DAP3: variants seen among roughly 807,000 people sequenced by gnomAD.
DAP3 encodes death associated protein 3, also known as small ribosomal subunit protein mS29.
In DAP3, 28 loss-of-function variants were observed where a neutral mutation model predicts 51.9. The ratio of observed to expected loss-of-function variants is 0.54; its 90% CI spans 0.40 to 0.74. The LOEUF is 0.74. Ranked by LOEUF, DAP3 falls within the 30% of genes least tolerant of loss-of-function variation. DAP3 has a pLI of 0.00. For missense variants in DAP3, 458 were observed against 483.5 expected (o/e 0.95, Z 0.49); for synonymous variants, 170 against 170.3 (o/e 1.00, Z 0.01).
In DAP3 at chr1:155,729,396, T is replaced by G. The variant is rs141810300; in HGVS notation, c.843+30T>G. The G allele has an allele frequency of 1.0e-3, 1,675 of 1,609,010 alleles. 17 individuals are homozygous for G. The African/African-American group carries it at 0.02, about 19-fold the overall frequency. ...GAAAACTGGGTGTCTCTATCTTGTT[T>G]CTCTGATTTCTGATTCCATCAGTAT... On this transcript the variant is annotated intron_variant, in intron 9 of 12. Transcript: ENST00000368336.
intron 11 of DAP3, among the ~76,000 whole-genome samples, chr1:155,734,171 C>G (rs1369097334): frequency 6.6e-6 from 1 of 152,016 alleles, no homozygotes; most frequent in Non-Finnish European, 1.5e-5. Context: ...GGAAAAAAAG[C>G]TCCTTCAAGC....
At chr1:155,688,099 AC>A (rs1652802185), upstream of DAP3, 2 of 1,607,690 alleles carry the variant, frequency 1.2e-6, no homozygotes, top group Middle Eastern at 1.7e-4. Flanking sequence ...CGATGAGAGT[AC>A]AGGGAAGTGA....
At chr1:155,688,137 T>C, upstream of DAP3, 5 of 1,612,874 alleles carry the variant, frequency 3.1e-6, no homozygotes, top group Non-Finnish European at 4.2e-6. Context: ...GCCAGGCTCC[T>C]CCGCTTCCCT....
At chr1:155,701,682 ATAAAT>A in intron 1 of DAP3, among the ~76,000 whole-genome samples, 1 of 139,846 alleles carries the variant, frequency 7.2e-6, no homozygotes, top group East Asian at 1.9e-4. Flanking sequence ...CAATAAAAAA[ATAAAT>A]TAAAAAAAAA....
intron 3 of DAP3, among the ~76,000 whole-genome samples, chr1:155,718,172 G>A (rs1342028103): frequency 6.6e-6 from 1 of 152,124 alleles, no homozygotes; most frequent in Non-Finnish European, 1.5e-5. Context: ...GATCACTTGA[G>A]GTCAGGAGTT....
chr1:155,736,100 A>G (rs1463377773), intron 11 of DAP3, among the ~76,000 whole-genome samples: 2 of 152,052 alleles, frequency 1.3e-5, no homozygotes, highest in African/African-American at 4.8e-5. Flanking sequence ...CAGCCTCCCA[A>G]AGTGCTGGGA....
At chr1:155,716,797 AT>A (rs974570033) in intron 2 of DAP3, among the ~76,000 whole-genome samples, 4 of 151,598 alleles carry the variant, frequency 2.6e-5, no homozygotes, top group Admixed American at 6.6e-5. Flanking sequence ...AATATAAAAA[AT>A]CAGCCGGGTG....
At position 155,709,761 on chromosome 1, in the gene DAP3, T is replaced by G. The variant is rs1241925703; in HGVS notation, c.-7-12T>G. ...GTGGTTTACCTTTTCACTTTTTTTT[T>G]TTTTGTAACAGTGCAAGGATGATGC... On this transcript the variant is annotated splice_polypyrimidine_tract_variant and intron_variant, in intron 1 of 12. Coordinates refer to ENST00000368336, the MANE Select transcript of DAP3 (RefSeq NM_004632.4). The G allele has an allele frequency of 1.2e-6, 2 of 1,605,524 alleles. No individual in the cohort carries two copies. Among genetic ancestry groups the G allele is most frequent in the Non-Finnish European group, 1.7e-6 (2 of 1,177,324 alleles).
chr1:155,718,305 G>C (rs182323394), intron 3 of DAP3, among the ~76,000 whole-genome samples: 1 of 152,268 alleles, frequency 6.6e-6, no homozygotes, highest in African/African-American at 2.4e-5. Flanking sequence ...AGAATTGCTT[G>C]AACCCAGGAG....
intron 3 of DAP3, among the ~76,000 whole-genome samples, chr1:155,720,900 G>C (rs1657916851): frequency 6.6e-6 from 1 of 152,074 alleles, no homozygotes; most frequent in Admixed American, 6.6e-5. Flanking sequence ...AGCTGGGCGT[G>C]GTGGCGCGTG....
chr1:155,720,382 CCTGT>C (rs1218085353), intron 3 of DAP3, among the ~76,000 whole-genome samples: 1 of 150,336 alleles, frequency 6.7e-6, no homozygotes, highest in Non-Finnish European at 1.5e-5. Context: ...GTGGCTCACG[CCTGT>C]AATCCCAGCA....
At position 155,731,954 on chromosome 1, in the gene DAP3, C is replaced by T; in HGVS notation, c.914C>T (p.Ala305Val). ...KMMKNDWHGG[A>V]IVSALSQTGS... ...TCTCTTTTCTTTCAGCATGGAGGCG[C>T]CATTGTGTCGGCTTTGAGCCAGACT... Residue 305 changes from alanine (A) to valine (V), a missense_variant, in exon 11 of 13, where the codon GCC (alanine) becomes GTC (valine). Transcript: ENST00000368336. The T allele has an allele frequency of 6.2e-7, 1 of 1,610,250 alleles. No homozygotes were observed. Among genetic ancestry groups the T allele is most frequent in the Non-Finnish European group, 8.5e-7 (1 of 1,178,340 alleles).
intron 1 of DAP3, among the ~76,000 whole-genome samples, chr1:155,695,477 G>A (rs1654395029): frequency 6.6e-6 from 1 of 152,108 alleles, no homozygotes; most frequent in Non-Finnish European, 1.5e-5. Context: ...GAAAGTCTGG[G>A]CATCAGTAAG....
Position 155,737,356 on chromosome 1 carries a change from T to C in DAP3, c.1111+293T>C, listed in dbSNP as rs1359539568. ...TTGGGTTCCTGCCACATTCTCCTTA[T>C]TGAATTTATTTATTCAATAGACTTC... On this transcript the variant is annotated intron_variant, in intron 12 of 12. Coordinates refer to ENST00000368336, the MANE Select transcript of DAP3 (RefSeq NM_004632.4). Among the ~76,000 whole-genome samples, 6 of 152,208 alleles carry C rather than the reference T, an allele frequency of 3.9e-5. No individual in the cohort carries two copies. In the East Asian group the frequency reaches 1.2e-3, roughly 29 times the overall value.
At chr1:155,730,075 T>C (rs1287393227) in intron 9 of DAP3, among the ~76,000 whole-genome samples, 1 of 147,594 alleles carries the variant, frequency 6.8e-6, no homozygotes, top group Non-Finnish European at 1.5e-5. Flanking sequence ...TATACACACA[T>C]ATATATTCAT....
chr1:155,710,536 A>G (rs1656568362), intron 2 of DAP3: 2 of 152,076 alleles, frequency 1.3e-5, no homozygotes, highest in East Asian at 3.9e-4. Context: ...GGCCTTCAGT[A>G]CCTTCTATAT....
chr1:155,718,695 A>AAAAG (rs1203841134), intron 3 of DAP3, among the ~76,000 whole-genome samples: 180 of 124,200 alleles, frequency 1.4e-3, no homozygotes, highest in Middle Eastern at 8.1e-3. Flanking sequence ...CAAAAAAAAA[A>AAAAG]AAAGAAAGAA....
chr1:155,698,739 T>G (rs1654818653), intron 1 of DAP3, among the ~76,000 whole-genome samples: 1 of 152,222 alleles, frequency 6.6e-6, no homozygotes, highest in Admixed American at 6.5e-5. Context: ...ATCCATAAGA[T>G]TTTTTGTATC....
chr1:155,727,483 AAAAG>A (rs1658735525), intron 6 of DAP3, 121 bp from the exon 7 acceptor site: 19 of 1,085,742 alleles, frequency 1.7e-5, no homozygotes, highest in Admixed American at 6.8e-5. Context: ...AAAAAAAAAA[AAAAG>A]AAAAGAAATA....
Sources: gnomAD v4.1 joint callset for allele counts (sites outside exome capture counted in the v4.1 genomes callset) on GRCh38, gnomAD v4.1.1 for gene constraint, MANE v1.5 for transcripts, NCBI Gene and HGNC (gene_info 2026-07-23, HGNC 2026-07-21) for gene names.